Variants in CHRM3 observed in about 807,000 individuals in gnomAD.
The protein encoded by CHRM3 is muscarinic acetylcholine receptor M3.
In CHRM3, 11 loss-of-function variants were observed where a neutral mutation model predicts 41.8. That is an observed-to-expected ratio of 0.26 (90% CI 0.17 to 0.44). The LOEUF (loss-of-function observed/expected upper bound fraction) is 0.44, where lower values mean the gene tolerates loss of function less well. Among genes scored for constraint, CHRM3 ranks in the 20% least tolerant of loss-of-function variants. The pLI is 1.00. For missense variants in CHRM3, 571 were observed against 745.4 expected, an observed-to-expected ratio of 0.77 and a Z score of 2.72; for synonymous variants, 297 against 301.4, an observed-to-expected ratio of 0.99 and a Z score of 0.15.
chr1:239,872,800 G>C (rs1271635584), intron 6 of CHRM3, among the ~76,000 whole-genome samples: 1 of 152,112 alleles, frequency 6.6e-6, no homozygotes, highest in Non-Finnish European at 1.5e-5. Context: ...TGCTGTGATA[G>C]ATGTCATGAA....
intron 5 of CHRM3, among the ~76,000 whole-genome samples, chr1:239,794,666 G>C (rs1479679602): frequency 3.9e-5 from 6 of 152,126 alleles, no homozygotes; most frequent in African/African-American, 1.4e-4. Flanking sequence ...GCTTATTTCA[G>C]ATCTAACTCC....
chr1:239,639,373 A>C (rs575219933), intron 4 of CHRM3, among the ~76,000 whole-genome samples: 1 of 152,256 alleles, frequency 6.6e-6, no homozygotes, highest in South Asian at 2.1e-4. Flanking sequence ...CATTTTTACG[A>C]TATTGATTCT....
At chr1:239,838,617 A>G (rs12083003) in intron 6 of CHRM3, among the ~76,000 whole-genome samples, 22,066 of 152,176 alleles carry the variant, frequency 0.15, 3,303 homozygotes, top group African/African-American at 0.38. Context: ...CCCATGCTCA[A>G]GAAGGTTAGG....
intron 5 of CHRM3, among the ~76,000 whole-genome samples, chr1:239,740,975 T>A (rs986562739): frequency 2.6e-5 from 4 of 152,174 alleles, no homozygotes; most frequent in African/African-American, 9.6e-5. Context: ...AATCTCATCA[T>A]TCCCTGGTAT....
chr1:239,629,512 A>C (rs963162760), intron 3 of CHRM3: 1 of 153,870 alleles, frequency 6.5e-6, no homozygotes, highest in Non-Finnish European at 1.4e-5. Flanking sequence ...CTATTCGGCC[A>C]TCTTGGCTCC....
At chr1:239,639,990 T>C (rs1387269831) in intron 4 of CHRM3, among the ~76,000 whole-genome samples, 1 of 152,012 alleles carries the variant, frequency 6.6e-6, no homozygotes, top group Non-Finnish European at 1.5e-5. Flanking sequence ...TTGAATTTTG[T>C]CAAAGGCCTT....
chr1:239,863,412 C>G (rs1217782389), intron 6 of CHRM3, among the ~76,000 whole-genome samples: 1 of 152,174 alleles, frequency 6.6e-6, no homozygotes, highest in Admixed American at 6.5e-5. Flanking sequence ...GTGGGCAGCT[C>G]AGACTCACAA....
At chr1:239,605,599 T>C (rs1666150018) in intron 3 of CHRM3, among the ~76,000 whole-genome samples, 1 of 152,116 alleles carries the variant, frequency 6.6e-6, no homozygotes, top group Non-Finnish European at 1.5e-5. Context: ...TGTTTATGTT[T>C]GAAAATTACA....
chr1:239,639,275 A>G (rs1039898746), intron 4 of CHRM3, among the ~76,000 whole-genome samples: 7 of 151,980 alleles, frequency 4.6e-5, no homozygotes, highest in South Asian at 4.2e-4. Context: ...ATGAACTTTA[A>G]AGTAGTTTTT....
intron 2 of CHRM3, among the ~76,000 whole-genome samples, chr1:239,509,095 A>G (rs1360246799): frequency 3.3e-5 from 5 of 152,188 alleles, no homozygotes; most frequent in African/African-American, 1.2e-4. Flanking sequence ...AGTGATAAGG[A>G]ATTTGTCACT....
At chr1:239,438,118 AG>A (rs1448039553) in intron 1 of CHRM3, among the ~76,000 whole-genome samples, 1 of 152,226 alleles carries the variant, frequency 6.6e-6, no homozygotes, top group Non-Finnish European at 1.5e-5. Context: ...GACATTTTAA[AG>A]TATAATGAAA....
intron 1 of CHRM3, among the ~76,000 whole-genome samples, chr1:239,397,070 A>G (rs1179417487): frequency 6.6e-6 from 1 of 152,192 alleles, no homozygotes; most frequent in African/African-American, 2.4e-5. Flanking sequence ...TAACAGTAAG[A>G]CACAAATACT....
intron 2 of CHRM3, among the ~76,000 whole-genome samples, chr1:239,525,242 G>A (rs1414440353): frequency 6.6e-6 from 1 of 152,148 alleles, no homozygotes; most frequent in African/African-American, 2.4e-5. Context: ...AAAGGCTGAG[G>A]TGGGTGAACT....
chr1:239,521,477 A>T (rs1047450953), intron 2 of CHRM3, among the ~76,000 whole-genome samples: 3 of 152,254 alleles, frequency 2.0e-5, no homozygotes, highest in African/African-American at 7.2e-5. Context: ...TGGAATTCTC[A>T]AGTGGTGACA....
At chr1:239,694,012 A>G in intron 5 of CHRM3, among the ~76,000 whole-genome samples, 1 of 152,154 alleles carries the variant, frequency 6.6e-6, no homozygotes, top group East Asian at 1.9e-4. Context: ...GCAATAATTC[A>G]TCTATTAGAT....
rs531503570 is a variant in CHRM3, at chr1:239,899,091, G to A, written c.-19-8342G>A. On this transcript the variant is annotated intron_variant, in intron 6 of 6. Transcript: ENST00000676153. ...AACATTATTCAACACAAAATACATT[G>A]TACGTACATCATGACTATAGACATA... Among the ~76,000 whole-genome samples, 7 of 152,040 alleles carry A rather than the reference G, an allele frequency of 4.6e-5. No individual in the cohort carries two copies. The East Asian group carries it at 1.4e-3, about 29-fold the overall frequency.
chr1:239,504,691 A>T (rs1235503970), intron 2 of CHRM3, among the ~76,000 whole-genome samples: 1 of 152,228 alleles, frequency 6.6e-6, no homozygotes, highest in East Asian at 1.9e-4. Flanking sequence ...GAGTGTATAA[A>T]GAAATTATGG....
intron 2 of CHRM3, among the ~76,000 whole-genome samples, chr1:239,511,651 A>G (rs1208574278): frequency 6.6e-6 from 1 of 152,208 alleles, no homozygotes; most frequent in Non-Finnish European, 1.5e-5. Context: ...TATAAAGAGA[A>G]AGGTTTGGGG....
At chr1:239,757,572 G>A (rs1450804852) in intron 5 of CHRM3, among the ~76,000 whole-genome samples, 1 of 151,464 alleles carries the variant, frequency 6.6e-6, no homozygotes, top group Non-Finnish European at 1.5e-5. Context: ...GGAGCTTGCA[G>A]TGAGCCGAGA....
Sources: gnomAD v4.1 joint callset for allele counts (sites outside exome capture counted in the v4.1 genomes callset) on GRCh38, gnomAD v4.1.1 for gene constraint, MANE v1.5 for transcripts, NCBI Gene and HGNC (gene_info 2026-07-23, HGNC 2026-07-21) for gene names.